ACYP2: variants seen among roughly 807,000 people sequenced by gnomAD.
The protein encoded by ACYP2 is acylphosphatase-2.
Under a neutral mutation model 11.2 loss-of-function variants are expected in ACYP2, and 12 were observed. The observed-to-expected ratio is 1.08, with a 90% CI of 0.69 to 1.74. ACYP2 has a LOEUF of 1.74. ACYP2 is among the 40% of genes most tolerant of loss of function. ACYP2 has a pLI of 0.00. For missense variants in ACYP2, 134 were observed against 101.9 expected, an observed-to-expected ratio of 1.31 and a Z score of -1.35; for synonymous variants, 43 against 32.2, an observed-to-expected ratio of 1.33 and a Z score of -1.13.
intron 2 of ACYP2, among the ~76,000 whole-genome samples, chr2:54,010,111 T>C (rs774883439): frequency 6.6e-6 from 1 of 151,896 alleles, no homozygotes; most frequent in East Asian, 1.9e-4. Context: ...ATCTTGGAGG[T>C]TGAGCAGATT....
intron 6 of ACYP2, among the ~76,000 whole-genome samples, chr2:54,303,904 A>G (rs932535886): frequency 1.1e-4 from 16 of 152,224 alleles, no homozygotes; most frequent in African/African-American, 2.4e-5. Context: ...AGATTCTGGA[A>G]AATCCTCAGT....
chr2:54,118,918 T>C (rs1679976852), intron 4 of ACYP2, among the ~76,000 whole-genome samples: 1 of 152,178 alleles, frequency 6.6e-6, no homozygotes, highest in Non-Finnish European at 1.5e-5. Context: ...TTACATATAT[T>C]GTCTCATTTA....
chr2:54,085,347 G>T (rs972214745), intron 4 of ACYP2, among the ~76,000 whole-genome samples: 1 of 152,208 alleles, frequency 6.6e-6, no homozygotes, highest in Admixed American at 6.5e-5. Flanking sequence ...ACTGTCCGGG[G>T]CTGGTTGTCA....
chr2:54,293,220 T>G (rs73933611), intron 6 of ACYP2, among the ~76,000 whole-genome samples: 2,005 of 152,286 alleles, frequency 0.013, 43 homozygotes, highest in African/African-American at 0.045. Context: ...TAAAGTCTAC[T>G]TCCATCCATT....
chr2:53,978,296 ATAT>A (rs2104507999), intron 2 of ACYP2, among the ~76,000 whole-genome samples: 1 of 152,184 alleles, frequency 6.6e-6, no homozygotes, highest in South Asian at 2.1e-4. Context: ...TAATTCTAAA[ATAT>A]TATAGAAATT....
chr2:54,113,432 G>A (rs541802698), intron 4 of ACYP2, among the ~76,000 whole-genome samples: 31 of 152,006 alleles, frequency 2.0e-4, no homozygotes, highest in South Asian at 6.2e-4. Flanking sequence ...TTATAGAGGC[G>A]GGGCTTCACT....
chr2:54,105,785 C>T (rs1207364803), intron 4 of ACYP2, among the ~76,000 whole-genome samples: 5 of 152,006 alleles, frequency 3.3e-5, no homozygotes, highest in Non-Finnish European at 7.4e-5. Context: ...TGAGCCATTG[C>T]GCCTGGACCC....
chr2:54,226,353 T>G (rs537660226), intron 6 of ACYP2, among the ~76,000 whole-genome samples: 2 of 152,366 alleles, frequency 1.3e-5, no homozygotes, highest in African/African-American at 2.4e-5. Context: ...GGCTGCAGTT[T>G]CCTCTGACAG....
intron 2 of ACYP2, among the ~76,000 whole-genome samples, chr2:53,985,518 A>T (rs1002163629): frequency 4.6e-5 from 7 of 152,192 alleles, no homozygotes; most frequent in Non-Finnish European, 7.4e-5. Context: ...TCCAAAAGAT[A>T]TCTACTTAAA....
At chr2:54,129,980 A>G (rs1176136252) in intron 4 of ACYP2, among the ~76,000 whole-genome samples, 1 of 151,176 alleles carries the variant, frequency 6.6e-6, no homozygotes, top group Non-Finnish European at 1.5e-5. Context: ...TTTCACATAA[A>G]TATTTATCAG....
chr2:54,104,652 T>C (rs192304000), intron 4 of ACYP2, among the ~76,000 whole-genome samples: 1 of 152,312 alleles, frequency 6.6e-6, no homozygotes, highest in Admixed American at 6.5e-5. Flanking sequence ...AAAAATCACT[T>C]TGACAATGAG....
chr2:53,985,846 C>A (rs1429738527), intron 2 of ACYP2, among the ~76,000 whole-genome samples: 4 of 152,034 alleles, frequency 2.6e-5, no homozygotes, highest in African/African-American at 7.2e-5. Context: ...TTTAAAATAG[C>A]CTGGTTGACC....
At chr2:54,232,379 G>C (rs867613626) in intron 6 of ACYP2, among the ~76,000 whole-genome samples, 1 of 152,136 alleles carries the variant, frequency 6.6e-6, no homozygotes, top group Non-Finnish European at 1.5e-5. Flanking sequence ...CCATCACTTA[G>C]ACCAGGGGCT....
intron 6 of ACYP2, among the ~76,000 whole-genome samples, chr2:54,181,032 G>C (rs1005478668): frequency 2.0e-5 from 3 of 152,060 alleles, no homozygotes; most frequent in Non-Finnish European, 2.9e-5. Flanking sequence ...TCTTTACTTA[G>C]GTTAACCTTG....
chr2:54,021,732 C>G (rs910581619), intron 2 of ACYP2, among the ~76,000 whole-genome samples: 2 of 152,158 alleles, frequency 1.3e-5, no homozygotes, highest in Admixed American at 6.6e-5. Flanking sequence ...TAATCCAAAA[C>G]AACTGGACAA....
chr2:54,030,586 T>A (rs1573559092), intron 2 of ACYP2: 1 of 157,372 alleles, frequency 6.4e-6, no homozygotes, highest in African/African-American at 2.4e-5. Context: ...CTGCCACAGA[T>A]TCGCATATAC....
At chr2:54,294,565 G>T (rs1040008892) in intron 6 of ACYP2, among the ~76,000 whole-genome samples, 1 of 152,048 alleles carries the variant, frequency 6.6e-6, no homozygotes, top group Non-Finnish European at 1.5e-5. Flanking sequence ...CTTGTCTACC[G>T]TAAGTATTAA....
intron 2 of ACYP2, among the ~76,000 whole-genome samples, chr2:53,974,312 T>C (rs375077761): frequency 2.0e-5 from 3 of 152,098 alleles, no homozygotes; most frequent in Non-Finnish European, 4.4e-5. Context: ...GAATGTGGAG[T>C]CATTGACCTT....
chr2:54,078,872 A>G (rs1245676771), intron 4 of ACYP2, among the ~76,000 whole-genome samples: 6 of 152,164 alleles, frequency 3.9e-5, no homozygotes, highest in South Asian at 2.1e-4. Context: ...TGCTGGGACT[A>G]CAGGCATGAG....
Sources: allele counts gnomAD v4.1 joint callset (sites outside exome capture counted in the v4.1 genomes callset), GRCh38; gene constraint gnomAD v4.1.1; transcripts MANE v1.5; gene names NCBI Gene and HGNC (gene_info 2026-07-23, HGNC 2026-07-21).